RFX3: variants seen among roughly 807,000 people sequenced by gnomAD.
RFX3 encodes transcription factor RFX3.
Under a neutral mutation model 98.6 loss-of-function variants are expected in RFX3, and 14 were observed. The ratio of observed to expected loss-of-function variants is 0.14; its 90% CI spans 0.09 to 0.22. The LOEUF (loss-of-function observed/expected upper bound fraction) is 0.22. RFX3 is among the 10% of genes least tolerant of loss of function. RFX3 has a pLI of 1.00. For synonymous variants in RFX3, 383 were observed against 328.4 expected (o/e 1.17, Z -1.80); for missense variants, 639 against 926.9 (o/e 0.69, Z 4.03).
chr9:3,520,479 G>T (rs1818599886), intron 1 of RFX3, among the ~76,000 whole-genome samples: 1 of 152,096 alleles, frequency 6.6e-6, no homozygotes, highest in Non-Finnish European at 1.5e-5. Flanking sequence ...ACAAGAAGTA[G>T]CCCAAGATTG....
At chr9:3,488,647 A>T in intron 1 of RFX3, 1 of 245,364 alleles carries the variant, frequency 4.1e-6, no homozygotes, top group Non-Finnish European at 6.5e-6. Flanking sequence ...CATAAATGCA[A>T]TTACTAACTA....
chr9:3,479,318 T>C (rs988731213), intron 1 of RFX3, among the ~76,000 whole-genome samples: 5 of 152,162 alleles, frequency 3.3e-5, no homozygotes, highest in Admixed American at 2.6e-4. Flanking sequence ...TCCACCATTC[T>C]GGAAGTTGAT....
At chr9:3,271,140 G>T in intron 9 of RFX3, 22 bp from the exon 10 acceptor site, 1 of 1,597,592 alleles carries the variant, frequency 6.3e-7, no homozygotes. Context: ...AATGGTACCA[G>T]TATTACCTTA....
rs146200217 is a variant in RFX3 at position 3,478,576 on chromosome 9, G to C, written c.-9+47171C>G. Among the ~76,000 whole-genome samples the C allele has an allele frequency of 1.3e-3, 192 of 152,078 alleles. 2 individuals carry two copies. In the East Asian group the frequency reaches 0.02, roughly 16 times the overall value. On this transcript the variant is annotated intron_variant, in intron 1 of 16. Coordinates refer to ENST00000617270, the MANE Select transcript of RFX3 (RefSeq NM_001282116.2). ...CCTTTTGCCAAAGAAATCTTCATGA[G>C]AAGTCATACCTTCAAACTTCAGGAA...
rs763130462 is a variant in RFX3, at chr9:3,293,073, T to G, written c.731+4A>C. The G allele has an allele frequency of 1.0e-5, 16 of 1,605,244 alleles. No homozygotes were observed. On this transcript the variant is annotated splice_donor_region_variant and intron_variant, in intron 6 of 16. Coordinates refer to ENST00000617270, the MANE Select transcript of RFX3 (RefSeq NM_001282116.2). ...AGTTTATGATCTTATTTTTCAATACTAACCTAGTGCCCAATCTCCTGGTTC... is the reference window on the plus strand; with the variant it reads ...AGTTTATGATCTTATTTTTCAATACGAACCTAGTGCCCAATCTCCTGGTTC...
chr9:3,469,694 A>G (rs1009838368), intron 1 of RFX3, among the ~76,000 whole-genome samples: 4 of 152,144 alleles, frequency 2.6e-5, no homozygotes, highest in African/African-American at 9.7e-5. Context: ...TTAGACACCA[A>G]TATAAATTCA....
rs373715535 is a variant in RFX3, at chr9:3,343,667, A to T, written c.215+3000T>A. ...GTATACTTCATGGCAACACAATGAC[A>T]TTTCCTTATTAAGTATAAAAATGAT... is the stretch of plus-strand genomic sequence containing the variant. On this transcript the variant is annotated intron_variant, in intron 3 of 16. Coordinates refer to ENST00000617270, the MANE Select transcript of RFX3 (RefSeq NM_001282116.2). Among the ~76,000 whole-genome samples, 10 of 152,320 alleles carry T rather than the reference A, an allele frequency of 6.6e-5. No individual in the cohort carries two copies. In the East Asian group the frequency reaches 7.7e-4, roughly 12 times the overall value.
intron 15 of RFX3, among the ~76,000 whole-genome samples, chr9:3,232,756 C>T (rs895385113): frequency 2.2e-4 from 31 of 142,046 alleles, no homozygotes; most frequent in Middle Eastern, 3.5e-3. Context: ...CAGATATTCT[C>T]CTTGGTTTAG....
intron 1 of RFX3, among the ~76,000 whole-genome samples, chr9:3,500,101 A>C (rs1815811684): frequency 6.6e-6 from 1 of 152,196 alleles, no homozygotes; most frequent in African/African-American, 2.4e-5. Flanking sequence ...AAACAGAGGA[A>C]TGTGGAACAA....
At chr9:3,291,393 AAC>A (rs1232333818) in intron 6 of RFX3, among the ~76,000 whole-genome samples, 3 of 3,288 alleles carry the variant, frequency 9.1e-4, no homozygotes, top group Non-Finnish European at 2.3e-3. Context: ...CAAAAACAAA[AAC>A]AAAACAAAAC....
chr9:3,474,221 T>C (rs1032545383), intron 1 of RFX3, among the ~76,000 whole-genome samples: 3 of 152,196 alleles, frequency 2.0e-5, no homozygotes, highest in African/African-American at 7.2e-5. Context: ...TCAGCAAGCC[T>C]ATATTGAAAA....
chr9:3,498,226 C>T (rs1273829426), intron 1 of RFX3, among the ~76,000 whole-genome samples: 1 of 151,988 alleles, frequency 6.6e-6, no homozygotes. Flanking sequence ...ATCACCGATA[C>T]TTTTACTGTC....
At chr9:3,326,228 A>G (rs1167733679) in intron 4 of RFX3, among the ~76,000 whole-genome samples, 1 of 152,182 alleles carries the variant, frequency 6.6e-6, no homozygotes, top group Non-Finnish European at 1.5e-5. Flanking sequence ...CAGTAAATCA[A>G]AGGAGAAATA....
Position 3,224,710 on chromosome 9 carries a change from A to ACAAT in RFX3, c.*328_*331dup. ...CACATGAAATCATACACCAAGACTAACAATCAACAATAAAATATTTTAAGC... is the reference window on the plus strand; with the variant it reads ...CACATGAAATCATACACCAAGACTAACAATCAATCAACAATAAAATATTTTAAGC... On this transcript the variant is annotated 3_prime_UTR_variant, in exon 17 of 17. Coordinates refer to ENST00000617270, the MANE Select transcript of RFX3 (RefSeq NM_001282116.2). 5.2e-6 allele frequency: 1 copy of ACAAT among 191,212 alleles called. No individual in the cohort carries two copies. 11.8% of individuals were successfully genotyped at this position (191,212 alleles called of 1,614,324 possible).
chr9:3,424,348 C>CTT lies in RFX3; in HGVS notation c.-8-28754_-8-28753dup, dbSNP rs748693786. Among the ~76,000 whole-genome samples the CTT allele has an allele frequency of 8.5e-3, 644 of 76,012 alleles. 180 individuals carry two copies. The highest frequency in any genetic ancestry group is 0.025 in the African/African-American group (390 of 15,420). The allele number at this position is 76,012 out of a possible 152,430, so 49.9% of individuals were successfully genotyped here. On this transcript the variant is annotated intron_variant, in intron 1 of 16. Coordinates refer to ENST00000617270, the MANE Select transcript of RFX3 (RefSeq NM_001282116.2). ...AGAGTCACTGTAATTACATAATTGA[C>CTT]TTTTTTTTTTTTTTTTTTTTTTTTT...
chr9:3,520,863 AGAAAT>A (rs746773385), intron 1 of RFX3, among the ~76,000 whole-genome samples: 1 of 152,142 alleles, frequency 6.6e-6, no homozygotes, highest in Non-Finnish European at 1.5e-5. Context: ...TTTTTTTTAC[AGAAAT>A]GAAATCTTGC....
chr9:3,502,025 G>A (rs1241977535), intron 1 of RFX3, among the ~76,000 whole-genome samples: 1 of 151,750 alleles, frequency 6.6e-6, no homozygotes, highest in African/African-American at 2.4e-5. Context: ...GCCGAGGCGG[G>A]CGGATCACGA....
At chr9:3,256,150 TTAG>T (rs1822113074) in intron 14 of RFX3, among the ~76,000 whole-genome samples, 2 of 152,236 alleles carry the variant, frequency 1.3e-5, no homozygotes, top group South Asian at 4.2e-4. Flanking sequence ...TTTTGTATTT[TTAG>T]TAGAGACGGG....
chr9:3,228,768 A>G, intron 16 of RFX3, 79 bp downstream of exon 16: 1 of 1,185,432 alleles, frequency 8.4e-7, no homozygotes, highest in Non-Finnish European at 1.2e-6. Context: ...GAGTGTTGTA[A>G]ACATATACCG....
Sources: gnomAD v4.1 joint callset for allele counts (sites outside exome capture counted in the v4.1 genomes callset) on GRCh38, gnomAD v4.1.1 for gene constraint, MANE v1.5 for transcripts, NCBI Gene and HGNC (gene_info 2026-07-23, HGNC 2026-07-21) for gene names.